The following NEGR1 variants were observed in gnomAD, a reference collection of about 807,000 sequenced individuals.
The protein encoded by NEGR1 is IgLON family member 4.
In NEGR1, 10 loss-of-function variants were observed where a neutral mutation model predicts 40.9. The observed-to-expected ratio is 0.24, with a 90% CI of 0.15 to 0.42. The LOEUF (loss-of-function observed/expected upper bound fraction) is 0.42, where lower values mean the gene tolerates loss of function less well. NEGR1 is among the 10% of genes least tolerant of loss of function. NEGR1 has a pLI of 1.00. For missense variants in NEGR1, 352 were observed against 438.9 expected (o/e 0.80, Z 1.77); for synonymous variants, 185 against 166.8 (o/e 1.11, Z -0.84).
intron 2 of NEGR1, among the ~76,000 whole-genome samples, chr1:71,812,291 C>A (rs557745049): frequency 1.6e-4 from 24 of 152,226 alleles, no homozygotes; most frequent in African/African-American, 3.4e-4. Context: ...TTTATCCAGT[C>A]TATCATCAAT....
In NEGR1 at chr1:71,838,110, T is replaced by C. The variant is rs370460934; in HGVS notation, c.410-61813A>G. ...TCTAGGGTCTATTGTTTTATTTTCA[T>C]GCAAACATAGTACATAATTAAATAA... On this transcript the variant is annotated intron_variant, in intron 2 of 6. Coordinates refer to ENST00000357731, the MANE Select transcript of NEGR1 (RefSeq NM_173808.3). Among the ~76,000 whole-genome samples, 441 of 152,262 alleles carry C rather than the reference T, an allele frequency of 2.9e-3. 3 individuals carry two copies. Among genetic ancestry groups the C allele is most frequent in the African/African-American group, 9.5e-3 (394 of 41,582 alleles).
At chr1:71,758,350 G>C (rs756117787) in intron 3 of NEGR1, among the ~76,000 whole-genome samples, 1 of 151,982 alleles carries the variant, frequency 6.6e-6, no homozygotes, top group Non-Finnish European at 1.5e-5. Flanking sequence ...AGATTTTACA[G>C]TATTCTAAAA....
At chr1:72,213,477 TA>T (rs1356250090) in intron 1 of NEGR1, among the ~76,000 whole-genome samples, 2 of 151,980 alleles carry the variant, frequency 1.3e-5, no homozygotes, top group Admixed American at 6.6e-5. Flanking sequence ...TTCATCCAGG[TA>T]ATTTATAAAA....
At chr1:72,141,810 C>T (rs1176684083) in intron 1 of NEGR1, among the ~76,000 whole-genome samples, 5 of 151,980 alleles carry the variant, frequency 3.3e-5, no homozygotes, top group African/African-American at 1.2e-4. Flanking sequence ...CTCTAATGCA[C>T]TGTGCCTTGT....
intron 1 of NEGR1, among the ~76,000 whole-genome samples, chr1:72,147,256 C>T (rs555496278): frequency 7.9e-5 from 12 of 152,276 alleles, no homozygotes; most frequent in Middle Eastern, 6.8e-3. Flanking sequence ...ATTGGACTTA[C>T]AGTTCCACAT....
At chr1:72,138,526 A>C (rs1349631737) in intron 1 of NEGR1, among the ~76,000 whole-genome samples, 1 of 151,990 alleles carries the variant, frequency 6.6e-6, no homozygotes, top group East Asian at 1.9e-4. Context: ...GTAAAAGAAT[A>C]ATAAAATATA....
At chr1:72,088,665 A>G (rs569015486) in intron 1 of NEGR1, among the ~76,000 whole-genome samples, 1 of 152,274 alleles carries the variant, frequency 6.6e-6, no homozygotes, top group Admixed American at 6.5e-5. Context: ...TGTGTTCAAC[A>G]CTAAATCGTA....
At chr1:71,980,735 C>T (rs1015464086) in intron 1 of NEGR1, among the ~76,000 whole-genome samples, 2 of 152,064 alleles carry the variant, frequency 1.3e-5, no homozygotes, top group Non-Finnish European at 2.9e-5. Context: ...ATATTATCAG[C>T]GCAAAGCTCA....
At chr1:71,973,345 A>T in intron 1 of NEGR1, among the ~76,000 whole-genome samples, 1 of 151,674 alleles carries the variant, frequency 6.6e-6, no homozygotes, top group African/African-American at 2.4e-5. Flanking sequence ...AAAGAAACAG[A>T]ATCTTCTGAA....
intron 1 of NEGR1, among the ~76,000 whole-genome samples, chr1:72,149,170 G>A (rs1236037410): frequency 6.6e-6 from 1 of 152,068 alleles, no homozygotes; most frequent in South Asian, 2.1e-4. Flanking sequence ...CTTACATGGG[G>A]GGCAGCAAGA....
rs190489568 is a variant in NEGR1, at chr1:71,984,137, C to T, written c.177-48826G>A. Among the ~76,000 whole-genome samples the T allele has an allele frequency of 2.1e-3, 309 of 146,352 alleles. 22 individuals carry two copies. Among genetic ancestry groups the T allele is most frequent in the African/African-American group, 6.2e-3 (253 of 40,888 alleles). On this transcript the variant is annotated intron_variant, in intron 1 of 6. Coordinates refer to ENST00000357731, the MANE Select transcript of NEGR1 (RefSeq NM_173808.3). ...CTATCCTTTGATTCATTATTTTTCT[C>T]CCTCATTCCCATTTTCTCTTTACTG...
chr1:71,803,930 T>C (rs1657656312), intron 2 of NEGR1, among the ~76,000 whole-genome samples: 1 of 152,152 alleles, frequency 6.6e-6, no homozygotes, highest in Non-Finnish European at 1.5e-5. Context: ...TTAATGGAAA[T>C]GTATTTATAT....
At chr1:71,739,816 T>C (rs954871576) in intron 3 of NEGR1, among the ~76,000 whole-genome samples, 3 of 152,188 alleles carry the variant, frequency 2.0e-5, no homozygotes, top group African/African-American at 4.8e-5. Flanking sequence ...TTTGTCTTTA[T>C]AAAGCATGTC....
chr1:71,929,223 T>C (rs1335997839), intron 2 of NEGR1, among the ~76,000 whole-genome samples: 1 of 152,140 alleles, frequency 6.6e-6, no homozygotes, highest in African/African-American at 2.4e-5. Context: ...TTACTGGTAG[T>C]AGCTCCACTA....
intron 6 of NEGR1, among the ~76,000 whole-genome samples, chr1:71,442,515 G>A (rs1646555000): frequency 6.6e-6 from 1 of 152,164 alleles, no homozygotes; most frequent in Non-Finnish European, 1.5e-5. Flanking sequence ...TCAGGAGGCT[G>A]AGGCAGGAGA....
chr1:72,152,772 C>T (rs144791926), intron 1 of NEGR1, among the ~76,000 whole-genome samples: 67 of 151,984 alleles, frequency 4.4e-4, no homozygotes, highest in African/African-American at 1.5e-3. Context: ...TACATTTACA[C>T]CATGGAATAC....
At chr1:72,138,666 C>T (rs1006623130) in intron 1 of NEGR1, among the ~76,000 whole-genome samples, 2 of 151,918 alleles carry the variant, frequency 1.3e-5, no homozygotes, top group African/African-American at 4.8e-5. Flanking sequence ...ATTAAGATTA[C>T]ACAGCAATTC....
At chr1:71,817,360 T>C (rs1035023177) in intron 2 of NEGR1, among the ~76,000 whole-genome samples, 29 of 152,086 alleles carry the variant, frequency 1.9e-4, no homozygotes, top group African/African-American at 6.8e-4. Flanking sequence ...CTGGTGGCCA[T>C]TTTAGCCCAA....
chr1:72,151,078 G>C (rs1024664980), intron 1 of NEGR1, among the ~76,000 whole-genome samples: 1 of 151,816 alleles, frequency 6.6e-6, no homozygotes, highest in Non-Finnish European at 1.5e-5. Flanking sequence ...CGTCCTCATA[G>C]AATAATAATT....
Sources: gnomAD v4.1 joint callset for allele counts (sites outside exome capture counted in the v4.1 genomes callset) on GRCh38, gnomAD v4.1.1 for gene constraint, MANE v1.5 for transcripts, NCBI Gene and HGNC (gene_info 2026-07-23, HGNC 2026-07-21) for gene names.